ZNF469: variants seen among roughly 807,000 people sequenced by gnomAD.
ZNF469 encodes the protein zinc finger protein 469.
In ZNF469, 1 loss-of-function variant was observed where a neutral mutation model predicts 1.0. That is an observed-to-expected ratio of 1.00 (90% confidence interval 0.35 to 4.73). The LOEUF (loss-of-function observed/expected upper bound fraction) is 4.73, where lower values mean the gene tolerates loss of function less well. ZNF469 is among the 30% of genes most tolerant of loss of function. ZNF469 has a pLI of 0.16. For synonymous variants in ZNF469, 2,703 were observed against 2,363.4 expected (o/e 1.14, Z -4.17); for missense variants, 6,100 against 5,356.3 (o/e 1.14, Z -4.33).
chr16:88,299,198 G>T, the ZNF469 span, among the ~76,000 whole-genome samples: 1 of 150,080 alleles, frequency 6.7e-6, no homozygotes, highest in Non-Finnish European at 1.5e-5. Context: ...GCTTCCTGGA[G>T]GAGGCAGCTT....
the ZNF469 span, among the ~76,000 whole-genome samples, chr16:88,346,889 A>G: frequency 6.6e-6 from 1 of 152,214 alleles, no homozygotes; most frequent in Non-Finnish European, 1.5e-5. Flanking sequence ...GACTTTCTTC[A>G]GAACCACAGA....
At chr16:88,268,801 T>G in the ZNF469 span, among the ~76,000 whole-genome samples, 5 of 152,212 alleles carry the variant, frequency 3.3e-5, no homozygotes, top group East Asian at 9.6e-4. Flanking sequence ...GACACTCGCT[T>G]GAAGTACATC....
chr16:88,314,945 T>C, the ZNF469 span, among the ~76,000 whole-genome samples: 4 of 150,570 alleles, frequency 2.7e-5, no homozygotes, highest in African/African-American at 4.9e-5. Flanking sequence ...CTGTCATCTC[T>C]GTAATTCAGG....
chr16:88,428,914 C>G lies in ZNF469; in HGVS notation c.1444C>G (p.Leu482Val), dbSNP rs540133783. The change falls in exon 3 of 3, where the codon CTG (leucine) becomes GTG (valine). Residue 482 changes from leucine (L) to valine (V), a missense_variant. Coordinates refer to ENST00000565624, the MANE Select transcript of ZNF469 (RefSeq NM_001367624.2). ...GCTCTGCCTCCCCCAGAGTGCCCCCCTGCCTTGGCCCCAAGTGCTCCCGAC... is the reference window on the plus strand; with the variant it reads ...GCTCTGCCTCCCCCAGAGTGCCCCCGTGCCTTGGCCCCAAGTGCTCCCGAC... ...QRLCLPQSAP[L>V]PWPQVLPTAR... The G allele has an allele frequency of 6.5e-7, 1 of 1,546,472 alleles. No individual in the cohort carries two copies.
the ZNF469 span, among the ~76,000 whole-genome samples, chr16:88,214,139 G>C: frequency 2.0e-5 from 3 of 152,154 alleles, no homozygotes; most frequent in African/African-American, 7.2e-5. Flanking sequence ...GTGACCCCAG[G>C]GAAGCATGGA....
the ZNF469 span, among the ~76,000 whole-genome samples, chr16:88,280,786 G>A: frequency 6.6e-6 from 1 of 151,578 alleles, no homozygotes; most frequent in Non-Finnish European, 1.5e-5. Flanking sequence ...TCAGTCCCAT[G>A]CCAATGTCAG....
At chr16:88,257,115 ATT>A in the ZNF469 span, among the ~76,000 whole-genome samples, 3,820 of 116,808 alleles carry the variant, frequency 0.033, 105 homozygotes, top group African/African-American at 0.087. Flanking sequence ...TACCCCACTA[ATT>A]TTTTTTTTTT....
Position 88,427,923 on chromosome 16 carries a change from C to T in ZNF469, c.453C>T (p.Asp151=). 1 of 1,549,982 alleles carries T rather than the reference C, an allele frequency of 6.5e-7. No homozygotes were observed. Among genetic ancestry groups the T allele is most frequent in the East Asian group, 2.4e-5 (1 of 40,898 alleles). The change falls in exon 3 of 3, where the codon GAC becomes GAT. Residue 151 remains aspartate (D), a synonymous_variant. Coordinates refer to ENST00000565624, the MANE Select transcript of ZNF469 (RefSeq NM_001367624.2). The stretch of plus-strand genomic sequence containing the variant: ...AGGCTGCCCAGCTCCCTGAGGTGGA[C>T]ACCCCCCAGGGCCCTGGGACTGGAG... ...QLEAAQLPEV[D]TPQGPGTGAP... is the part of the protein sequence containing the mutation.
the ZNF469 span, among the ~76,000 whole-genome samples, chr16:88,108,307 A>G: frequency 6.6e-6 from 1 of 152,006 alleles, no homozygotes; most frequent in Non-Finnish European, 1.5e-5. Context: ...TGAGCCCTGC[A>G]CCGTCACACT....
chr16:88,247,494 CAGTGAGTGAGGGAATG>C, the ZNF469 span, among the ~76,000 whole-genome samples: 5 of 85,832 alleles, frequency 5.8e-5, no homozygotes, highest in East Asian at 2.8e-4. Context: ...GTGAATGAAT[CAGTGAGTGAGGGAATG>C]AGTGAGTGAG....
At chr16:88,367,996 A>T in the ZNF469 span, among the ~76,000 whole-genome samples, 4 of 151,996 alleles carry the variant, frequency 2.6e-5, no homozygotes, top group African/African-American at 9.7e-5. Flanking sequence ...CCCGATCTCA[A>T]CTCCACTCCA....
chr16:88,107,078 C>T, the ZNF469 span, among the ~76,000 whole-genome samples: 4 of 152,270 alleles, frequency 2.6e-5, no homozygotes, highest in East Asian at 3.9e-4. Flanking sequence ...CTGCGTGCCT[C>T]GGCTCTCTCA....
chr16:88,131,019 G>C, the ZNF469 span, among the ~76,000 whole-genome samples: 248 of 152,364 alleles, frequency 1.6e-3, no homozygotes, highest in African/African-American at 5.6e-3. Flanking sequence ...TGCGTGGCTC[G>C]GTTCCACGGC....
chr16:88,104,511 C>T, the ZNF469 span, among the ~76,000 whole-genome samples: 33 of 152,338 alleles, frequency 2.2e-4, no homozygotes, highest in Middle Eastern at 0.014. Flanking sequence ...TCGCTGACCC[C>T]GCCAGCCACA....
chr16:88,361,457 T>G, the ZNF469 span, among the ~76,000 whole-genome samples: 2 of 152,180 alleles, frequency 1.3e-5, no homozygotes, highest in African/African-American at 2.4e-5. Flanking sequence ...TCAGAGAAAC[T>G]TCGCATTTCC....
At chr16:88,118,586 C>T in the ZNF469 span, among the ~76,000 whole-genome samples, 6 of 152,216 alleles carry the variant, frequency 3.9e-5, no homozygotes, top group Non-Finnish European at 5.9e-5. Flanking sequence ...AGGCACACCC[C>T]GGGTGCTCCT....
intron 1 of ZNF469, among the ~76,000 whole-genome samples, chr16:88,394,340 C>G (rs1174635961): frequency 6.6e-6 from 1 of 152,240 alleles, no homozygotes; most frequent in Non-Finnish European, 1.5e-5. Flanking sequence ...GAGCCACACT[C>G]AAGTTTCAGG....
chr16:88,260,651 A>G, the ZNF469 span, among the ~76,000 whole-genome samples: 2 of 152,216 alleles, frequency 1.3e-5, no homozygotes, highest in African/African-American at 4.8e-5. The surrounding 1 kb of genome is among the most constrained non-coding windows in gnomAD (Gnocchi z 4.1). Flanking sequence ...TGACTAGGAT[A>G]TAGAGCTAAA....
the ZNF469 span, among the ~76,000 whole-genome samples, chr16:88,293,880 C>G: frequency 6.6e-6 from 1 of 152,138 alleles, no homozygotes; most frequent in Non-Finnish European, 1.5e-5. Context: ...TCTTAGCCTT[C>G]GGTCTCTCTC....
Sources: gnomAD v4.1 joint callset for allele counts (sites outside exome capture counted in the v4.1 genomes callset) on GRCh38, gnomAD v4.1.1 for gene constraint, Gnocchi (gnomAD v3.1) non-coding constraint, MANE v1.5 for transcripts, NCBI Gene and HGNC (gene_info 2026-07-23, HGNC 2026-07-21) for gene names.